Variants in PSPC1 observed in about 807,000 individuals in gnomAD.
The protein encoded by PSPC1 is paraspeckle component 1, also known as paraspeckle protein 1.
Under a neutral mutation model 51.6 loss-of-function variants are expected in PSPC1, and 14 were observed. The observed-to-expected ratio is 0.27, with a 90% CI of 0.18 to 0.42. The LOEUF (loss-of-function observed/expected upper bound fraction) is 0.42, where lower values mean the gene tolerates loss of function less well. Among genes scored for constraint, PSPC1 ranks in the 10% least tolerant of loss-of-function variants. The pLI, the probability that PSPC1 is intolerant of heterozygous loss-of-function variation, is 1.00. For synonymous variants in PSPC1, 193 were observed against 231.9 expected, an observed-to-expected ratio of 0.83 and a Z score of 1.53; for missense variants, 406 against 701.1, an observed-to-expected ratio of 0.58 and a Z score of 4.75.
At position 19,772,382 on chromosome 13, in the gene PSPC1, C is replaced by T. The variant is rs1888703112; in HGVS notation, c.534G>A (p.Gln178=). ...SNELLEQAFS[Q]FGPVEKAVVV... ...CAACAGCTTTCTCTACTGGACCAAA[C>T]TGAGAAAATGCTTGCTCTAGCAGCT... The change falls in exon 2 of 9, where the codon CAG becomes CAA. Residue 178 remains glutamine (Q), a synonymous_variant. Coordinates refer to ENST00000338910, the MANE Select transcript of PSPC1 (RefSeq NM_001354909.2). 6.2e-7 allele frequency: 1 copy of T among 1,614,194 alleles called. No homozygotes were observed. Among genetic ancestry groups the T allele is most frequent in the Non-Finnish European group, 8.5e-7 (1 of 1,180,036 alleles).
intron 6 of PSPC1, among the ~76,000 whole-genome samples, chr13:19,727,638 C>T (rs1261512598): frequency 6.6e-6 from 1 of 152,146 alleles, no homozygotes; most frequent in African/African-American, 2.4e-5. Flanking sequence ...TAGTCCAATG[C>T]AGATTTTTCC....
At chr13:19,689,908 G>C (rs1384142924) in intron 6 of PSPC1, among the ~76,000 whole-genome samples, 1 of 152,084 alleles carries the variant, frequency 6.6e-6, no homozygotes, top group Non-Finnish European at 1.5e-5. Context: ...CAACTGAACA[G>C]TAATATATAT....
intron 5 of PSPC1, among the ~76,000 whole-genome samples, chr13:19,731,561 G>A (rs1257801230): frequency 1.3e-5 from 2 of 152,092 alleles, no homozygotes; most frequent in Non-Finnish European, 2.9e-5. Context: ...CTACGGGCAC[G>A]TGCCACTATG....
At chr13:19,686,885 C>T (rs1462666132) in intron 6 of PSPC1, among the ~76,000 whole-genome samples, 1 of 152,102 alleles carries the variant, frequency 6.6e-6, no homozygotes, top group Non-Finnish European at 1.5e-5. Flanking sequence ...ATGTTGGCCA[C>T]TGACCAAGTA....
downstream of PSPC1, among the ~76,000 whole-genome samples, chr13:19,674,122 A>G (rs1876349354): frequency 6.6e-6 from 1 of 152,214 alleles, no homozygotes; most frequent in Non-Finnish European, 1.5e-5. Context: ...CTCTGCCATT[A>G]TTCCTTTCCA....
intron 8 of PSPC1, among the ~76,000 whole-genome samples, chr13:19,705,020 A>G (rs569262765): frequency 6.6e-6 from 1 of 152,346 alleles, no homozygotes; most frequent in South Asian, 2.1e-4. Flanking sequence ...GTCCCCATCA[A>G]ATATAAGGAG....
intron 4 of PSPC1, among the ~76,000 whole-genome samples, chr13:19,746,008 TG>T (rs1392645286): frequency 3.3e-5 from 5 of 150,740 alleles, no homozygotes; most frequent in African/African-American, 9.7e-5. Flanking sequence ...TTTTGTTTTT[TG>T]TTTTTTTTTT....
intron 6 of PSPC1, among the ~76,000 whole-genome samples, chr13:19,696,775 T>C (rs1173527212): frequency 6.6e-6 from 1 of 152,176 alleles, no homozygotes; most frequent in East Asian, 1.9e-4. Flanking sequence ...AACATACCGA[T>C]ACAAAAACAG....
chr13:19,766,229 C>T (rs1251385605), intron 2 of PSPC1, among the ~76,000 whole-genome samples: 4 of 152,002 alleles, frequency 2.6e-5, no homozygotes, highest in East Asian at 1.9e-4. Context: ...AAAAATTAGC[C>T]AGGTGTGGTG....
At chr13:19,756,855 C>A (rs1000306232) in intron 3 of PSPC1, among the ~76,000 whole-genome samples, 2 of 151,976 alleles carry the variant, frequency 1.3e-5, no homozygotes, top group African/African-American at 2.4e-5. Flanking sequence ...AGTCGCCGGG[C>A]ATGGTGGCTC....
chr13:19,730,447 C>A, intron 5 of PSPC1, 103 bp from the exon 6 acceptor site: 1 of 1,055,202 alleles, frequency 9.5e-7, no homozygotes, highest in South Asian at 1.3e-5. Context: ...CATATTATGC[C>A]AAACCTGTAA....
chr13:19,751,511 A>G, intron 3 of PSPC1, 44 bp from the exon 4 acceptor site: 3 of 1,348,996 alleles, frequency 2.2e-6, no homozygotes, highest in Non-Finnish European at 2.9e-6. Context: ...CTTAAAAGGT[A>G]AAACAACAAC....
At chr13:19,672,265 C>CAGG (rs964019285), downstream of PSPC1, 4 of 174,268 alleles carry the variant, frequency 2.3e-5, no homozygotes, top group African/African-American at 9.5e-5. Context: ...CTGCCTCAGC[C>CAGG]TCCTGAGTAG....
intron 6 of PSPC1, among the ~76,000 whole-genome samples, chr13:19,683,383 A>AT (rs1877500350): frequency 6.6e-6 from 1 of 152,350 alleles, no homozygotes; most frequent in East Asian, 1.9e-4. Flanking sequence ...TTTCAAAAAC[A>AT]TTATGTGAAG....
chr13:19,717,111 T>C (rs1219668604), intron 6 of PSPC1, among the ~76,000 whole-genome samples: 1 of 151,988 alleles, frequency 6.6e-6, no homozygotes, highest in African/African-American at 2.4e-5. Flanking sequence ...AGATAACAAA[T>C]TGTAGACACA....
At chr13:19,776,891 C>T (rs1369877214) in intron 1 of PSPC1, among the ~76,000 whole-genome samples, 24 of 148,050 alleles carry the variant, frequency 1.6e-4, no homozygotes, top group East Asian at 6.1e-4. Context: ...TTTGGGAGGC[C>T]GAGACAGGTG....
intron 5 of PSPC1, among the ~76,000 whole-genome samples, chr13:19,732,128 T>C (rs532901406): frequency 2.6e-5 from 4 of 152,336 alleles, no homozygotes; most frequent in African/African-American, 9.6e-5. Flanking sequence ...CAGAACTTCA[T>C]GTCAGACAAC....
At chr13:19,752,574 ACT>A (rs1886665861) in intron 3 of PSPC1, among the ~76,000 whole-genome samples, 1 of 151,392 alleles carries the variant, frequency 6.6e-6, no homozygotes, top group Non-Finnish European at 1.5e-5. Context: ...TTTTTTTTTC[ACT>A]TTTTTATTTA....
At position 19,726,820 on chromosome 13, in the gene PSPC1, T is replaced by C. The variant is rs142092369; in HGVS notation, c.1158+3419A>G. The stretch of plus-strand genomic sequence containing the variant: ...TTAATCATTCTGGCCTCACAGTCCC[T>C]CGGGTGCTACAATGGAATGCCTCTG... On this transcript the variant is annotated intron_variant, in intron 6 of 8. Transcript: ENST00000338910. Among the ~76,000 whole-genome samples the C allele has an allele frequency of 2.6e-5, 4 of 152,322 alleles. 1 individual carries two copies. Among genetic ancestry groups the C allele is most frequent in the Non-Finnish European group, 5.9e-5 (4 of 68,030 alleles).
Sources: allele counts gnomAD v4.1 joint callset (sites outside exome capture counted in the v4.1 genomes callset), GRCh38; gene constraint gnomAD v4.1.1; transcripts MANE v1.5; gene names NCBI Gene and HGNC (gene_info 2026-07-23, HGNC 2026-07-21).